Variants in MACROD2 observed in about 807,000 individuals in gnomAD.
MACROD2 encodes the protein ADP-ribose glycohydrolase MACROD2.
A neutral mutation model predicts 70.4 loss-of-function variants in MACROD2; 36 were observed. That is an observed-to-expected ratio of 0.51 (90% confidence interval 0.39 to 0.68). The LOEUF is 0.68. Ranked by LOEUF, MACROD2 falls within the 30% of genes least tolerant of loss-of-function variation. The pLI, the probability that MACROD2 is intolerant of heterozygous loss-of-function variation, is 0.00. For synonymous variants in MACROD2, 172 were observed against 178.8 expected (o/e 0.96, Z 0.30); for missense variants, 496 against 538.4 (o/e 0.92, Z 0.78).
chr20:15,905,072 C>A (rs1375553132), intron 10 of MACROD2, among the ~76,000 whole-genome samples: 1 of 152,114 alleles, frequency 6.6e-6, no homozygotes, highest in African/African-American at 2.4e-5. Flanking sequence ...ATTTAGATAT[C>A]AAATTCTGTA....
intron 6 of MACROD2, among the ~76,000 whole-genome samples, chr20:15,276,601 CCTTT>C (rs2077395621): frequency 6.9e-6 from 1 of 144,100 alleles, no homozygotes; most frequent in Non-Finnish European, 1.6e-5. Context: ...AATACGGGGC[CCTTT>C]CTTCTCTCAA....
intron 5 of MACROD2, among the ~76,000 whole-genome samples, chr20:14,837,720 A>G (rs754985756): frequency 9.2e-5 from 14 of 152,064 alleles, no homozygotes; most frequent in Non-Finnish European, 2.1e-4. Flanking sequence ...TTACCTTACT[A>G]TGACAAATTC....
At chr20:14,174,690 TG>T (rs1211510518) in intron 3 of MACROD2, among the ~76,000 whole-genome samples, 3 of 152,192 alleles carry the variant, frequency 2.0e-5, no homozygotes, top group African/African-American at 7.2e-5. Flanking sequence ...CCCAAGGTTT[TG>T]TCCAGGAAGC....
Position 15,919,313 on chromosome 20 carries a change from A to G in MACROD2, c.776-13963A>G, listed in dbSNP as rs544464063. Reference sequence around the variant, plus strand: ...CCTACTCTGCCACCAGGAGAGAGGAAACAGATGTTCCTATCTGTCTTTTGA... The same window carrying G: ...CCTACTCTGCCACCAGGAGAGAGGAGACAGATGTTCCTATCTGTCTTTTGA... On this transcript the variant is annotated intron_variant, in intron 10 of 17. Transcript: ENST00000684519. 2.0e-5 allele frequency among the ~76,000 whole-genome samples: 3 copies of G among 152,326 alleles called. No homozygotes were observed. The South Asian group carries it at 6.2e-4, about 32-fold the overall frequency.
intron 3 of MACROD2, among the ~76,000 whole-genome samples, chr20:14,280,723 T>C (rs2082299866): frequency 6.6e-6 from 1 of 152,168 alleles, no homozygotes; most frequent in Non-Finnish European, 1.5e-5. Flanking sequence ...TTTTTAAGCA[T>C]CTTTGTAGGA....
chr20:15,739,133 T>G (rs1479798751), intron 8 of MACROD2, among the ~76,000 whole-genome samples: 1 of 151,978 alleles, frequency 6.6e-6, no homozygotes, highest in Non-Finnish European at 1.5e-5. Context: ...AGAGATTAGG[T>G]GAAGGGAAGT....
chr20:15,647,716 T>A, intron 8 of MACROD2, among the ~76,000 whole-genome samples: 1 of 135,084 alleles, frequency 7.4e-6, no homozygotes, highest in Non-Finnish European at 1.6e-5. Flanking sequence ...GGAGAGACAA[T>A]AGATGATTTT....
At chr20:14,057,854 G>A (rs776499985) in intron 2 of MACROD2, among the ~76,000 whole-genome samples, 44 of 152,152 alleles carry the variant, frequency 2.9e-4, no homozygotes, top group Non-Finnish European at 3.8e-4. Flanking sequence ...AAAAATGCAT[G>A]AATTGCGGCC....
chr20:14,325,685 C>T, intron 3 of MACROD2: 2 of 1,613,880 alleles, frequency 1.2e-6, no homozygotes, highest in East Asian at 2.2e-5. Flanking sequence ...ATTACAAACT[C>T]CTCCTTCGAG....
chr20:14,076,184 A>G (rs1366406317), intron 2 of MACROD2, among the ~76,000 whole-genome samples: 2 of 152,172 alleles, frequency 1.3e-5, no homozygotes, highest in African/African-American at 2.4e-5. Flanking sequence ...ATGTTTATGT[A>G]TGTATGTTAT....
chr20:15,928,345 C>T (rs987465449), intron 10 of MACROD2, among the ~76,000 whole-genome samples: 1 of 152,196 alleles, frequency 6.6e-6, no homozygotes, highest in Non-Finnish European at 1.5e-5. Context: ...ACTGCACTCA[C>T]TTGATATGAG....
At chr20:14,544,130 T>C (rs200280629) in intron 4 of MACROD2, among the ~76,000 whole-genome samples, 1 of 152,140 alleles carries the variant, frequency 6.6e-6, no homozygotes, top group Non-Finnish European at 1.5e-5. Flanking sequence ...CATGTTGATA[T>C]ACTATCCACT....
chr20:15,349,755 C>CAAAAAAA (rs397864871), intron 6 of MACROD2, among the ~76,000 whole-genome samples: 1 of 124,564 alleles, frequency 8.0e-6, no homozygotes, highest in East Asian at 2.3e-4. Flanking sequence ...AACTCAGTCT[C>CAAAAAAA]AAAAAAAAAA....
At chr20:15,387,799 G>A (rs1338755062) in intron 6 of MACROD2, among the ~76,000 whole-genome samples, 1 of 150,676 alleles carries the variant, frequency 6.6e-6, no homozygotes, top group Non-Finnish European at 1.5e-5. Flanking sequence ...AGTGAGTGGG[G>A]TGATCATAGC....
chr20:15,771,823 G>A (rs1327985857), intron 8 of MACROD2, among the ~76,000 whole-genome samples: 2 of 151,710 alleles, frequency 1.3e-5, no homozygotes, highest in Admixed American at 6.6e-5. Context: ...GGTGGCTCAT[G>A]CCTGTAATCC....
At chr20:15,996,084 A>G (rs1001802438) in intron 15 of MACROD2, among the ~76,000 whole-genome samples, 6 of 151,974 alleles carry the variant, frequency 3.9e-5, no homozygotes, top group Non-Finnish European at 7.4e-5. Flanking sequence ...ATCTCATACT[A>G]TTTTCCATAA....
At chr20:14,581,094 C>G (rs192570203) in intron 4 of MACROD2, among the ~76,000 whole-genome samples, 86 of 152,300 alleles carry the variant, frequency 5.6e-4, no homozygotes, top group African/African-American at 2.0e-3. Context: ...AAATCTAAAA[C>G]AATAACCCAG....
At chr20:15,487,809 G>T (rs971302027) in intron 7 of MACROD2, among the ~76,000 whole-genome samples, 17 of 152,178 alleles carry the variant, frequency 1.1e-4, no homozygotes, top group Admixed American at 8.5e-4. Context: ...AGGCCTTCAG[G>T]GGGCTTGACT....
chr20:15,311,220 A>G (rs1311535726), intron 6 of MACROD2, among the ~76,000 whole-genome samples: 1 of 152,214 alleles, frequency 6.6e-6, no homozygotes, highest in Non-Finnish European at 1.5e-5. Flanking sequence ...ATGAAAAAAA[A>G]GGCATAATTT....
Sources: allele counts gnomAD v4.1 joint callset (sites outside exome capture counted in the v4.1 genomes callset), GRCh38; gene constraint gnomAD v4.1.1; transcripts MANE v1.5; gene names NCBI Gene and HGNC (gene_info 2026-07-23, HGNC 2026-07-21).